KMT2C: variants seen among roughly 807,000 people sequenced by gnomAD.
KMT2C encodes the protein histone-lysine N-methyltransferase 2C.
Under a neutral mutation model 507.9 loss-of-function variants are expected in KMT2C, and 88 were observed. That is an observed-to-expected ratio of 0.17 (90% CI 0.15 to 0.21). The LOEUF (loss-of-function observed/expected upper bound fraction) is 0.21, where lower values mean the gene tolerates loss of function less well. Among genes scored for constraint, KMT2C ranks in the 10% least tolerant of loss-of-function variants. KMT2C has a pLI of 1.00. For synonymous variants in KMT2C, 2,049 were observed against 2,080.8 expected (o/e 0.98, Z 0.42); for missense variants, 4,954 against 5,957.8 (o/e 0.83, Z 5.55).
intron 38 of KMT2C, among the ~76,000 whole-genome samples, chr7:152,174,742 G>A (rs1168437059): frequency 2.6e-5 from 4 of 152,120 alleles, no homozygotes; most frequent in East Asian, 3.9e-4. Flanking sequence ...TATATAAAAT[G>A]GAATGTCAAT....
At chr7:152,174,634 CA>C (rs1380597873) in intron 38 of KMT2C, among the ~76,000 whole-genome samples, 5 of 152,006 alleles carry the variant, frequency 3.3e-5, no homozygotes, top group Admixed American at 2.0e-4. Flanking sequence ...AAAAATGCAC[CA>C]ATTTCTTAAG....
chr7:152,138,779 A>C lies in KMT2C; in HGVS notation c.14643+17T>G, dbSNP rs758648445. The C allele has an allele frequency of 3.5e-5, 51 of 1,475,736 alleles. No homozygotes were observed. In the South Asian group the frequency reaches 5.7e-4, roughly 16 times the overall value. 91.4% of individuals were successfully genotyped at this position (1,475,736 alleles called of 1,614,324 possible). A position where few individuals can be genotyped will look rare whatever the true frequency, so the allele number is the denominator to read the frequency against. On this transcript the variant is annotated intron_variant, in intron 58 of 58. Coordinates refer to ENST00000262189, the MANE Select transcript of KMT2C (RefSeq NM_170606.3). This position sits in a 1 kb window ranked among gnomAD's most constrained non-coding sequence, Gnocchi z 4.2. ...GGATCTGAACAACATGGCAGATGCA[A>C]TCTCTCACACTCTTACCTCTTCTCC...
chr7:152,254,911 T>C (rs1362082924), intron 9 of KMT2C, among the ~76,000 whole-genome samples: 1 of 150,920 alleles, frequency 6.6e-6, no homozygotes, highest in Admixed American at 6.6e-5. Context: ...AAATAACGAG[T>C]TAAAGGATGG....
chr7:152,323,723 G>C (rs2096794230), intron 3 of KMT2C, among the ~76,000 whole-genome samples: 1 of 142,570 alleles, frequency 7.0e-6, no homozygotes, highest in Admixed American at 7.2e-5. Context: ...AGGAGGGAGG[G>C]ACGAAGGGAG....
At chr7:152,425,510 T>C (rs1023284871) in intron 1 of KMT2C, among the ~76,000 whole-genome samples, 7 of 152,052 alleles carry the variant, frequency 4.6e-5, no homozygotes, top group African/African-American at 1.7e-4. Context: ...CAGGGAGGCA[T>C]AGGTTGCAGT....
chr7:152,195,407 T>G, intron 28 of KMT2C: 1 of 314,516 alleles, frequency 3.2e-6, no homozygotes, highest in Non-Finnish European at 4.6e-6. Flanking sequence ...TATGGATTAG[T>G]GACAAATTAG....
At chr7:152,424,183 A>G (rs1239318816) in intron 1 of KMT2C, among the ~76,000 whole-genome samples, 1 of 152,042 alleles carries the variant, frequency 6.6e-6, no homozygotes, top group Non-Finnish European at 1.5e-5. Context: ...GCAGGATCAT[A>G]GCTCACTGCA....
At chr7:152,204,943 T>C (rs1167429912) in intron 25 of KMT2C, among the ~76,000 whole-genome samples, 163 bp downstream of exon 25, 1 of 151,796 alleles carries the variant, frequency 6.6e-6, no homozygotes, top group African/African-American at 2.4e-5. Flanking sequence ...CGCACTCAAA[T>C]CCTTTCATCA....
chr7:152,357,867 C>T (rs2097165118), intron 2 of KMT2C, among the ~76,000 whole-genome samples: 1 of 152,166 alleles, frequency 6.6e-6, no homozygotes, highest in South Asian at 2.1e-4. Context: ...TTTTTCTCAT[C>T]TCTTAACTGC....
intron 6 of KMT2C, among the ~76,000 whole-genome samples, chr7:152,293,143 CAG>C (rs1476378841): frequency 6.6e-6 from 1 of 152,072 alleles, no homozygotes; most frequent in South Asian, 2.1e-4. Flanking sequence ...AAGAATAAAA[CAG>C]AGAACCTACC....
At chr7:152,228,260 A>C (rs2094995428) in intron 18 of KMT2C, among the ~76,000 whole-genome samples, 1 of 152,186 alleles carries the variant, frequency 6.6e-6, no homozygotes, top group African/African-American at 2.4e-5. Context: ...CAGTAATTTT[A>C]AAGAGTGTTA....
At chr7:152,212,638 A>G (rs2094480399) in intron 23 of KMT2C, among the ~76,000 whole-genome samples, 1 of 152,256 alleles carries the variant, frequency 6.6e-6, no homozygotes, top group Non-Finnish European at 1.5e-5. Flanking sequence ...AATGAAGAAA[A>G]CATTTCCATT....
intron 6 of KMT2C, among the ~76,000 whole-genome samples, chr7:152,308,005 T>C (rs899657260): frequency 2.0e-5 from 3 of 152,154 alleles, no homozygotes; most frequent in Admixed American, 1.3e-4. Context: ...AAACAGATGG[T>C]TTTCACTGAA....
chr7:152,250,537 G>A (rs900520086), intron 12 of KMT2C, among the ~76,000 whole-genome samples: 7 of 152,088 alleles, frequency 4.6e-5, no homozygotes, highest in African/African-American at 7.2e-5. Flanking sequence ...CATTATCTCA[G>A]CATGAAACAT....
At chr7:152,369,983 G>T (rs2097281022) in intron 1 of KMT2C, among the ~76,000 whole-genome samples, 1 of 152,156 alleles carries the variant, frequency 6.6e-6, no homozygotes, top group African/African-American at 2.4e-5. Flanking sequence ...CATGAGGTCA[G>T]GAGATCGAGA....
Position 152,154,359 on chromosome 7 carries a change from C to T in KMT2C, c.12047G>A (p.Ser4016Asn), listed in dbSNP as rs1427313579. The T allele has an allele frequency of 6.2e-7, 1 of 1,614,010 alleles. No homozygotes were observed. Among genetic ancestry groups the T allele is most frequent in the African/African-American group, 1.3e-5 (1 of 74,916 alleles). Reference protein sequence around the residue: ...SPESVVGVEVSRYPDLSLVKE... With the variant: ...SPESVVGVEVNRYPDLSLVKE... ...GACCAATGACAGATCTGGATACCTGCTCACTTCTACCCCAACCACACTCTC... is the reference window on the plus strand; with the variant it reads ...GACCAATGACAGATCTGGATACCTGTTCACTTCTACCCCAACCACACTCTC... The change falls in exon 47 of 59, where the codon AGC (serine) becomes AAC (asparagine). Residue 4016 changes from serine (S) to asparagine (N), a missense_variant. Around this residue, in one of 29 missense-constraint regions of KMT2C, gnomAD observed 6 missense variants for 23.3 expected, o/e 0.26. Transcript: ENST00000262189.
intron 1 of KMT2C, chr7:152,402,858 T>C: frequency 6.4e-6 from 1 of 155,312 alleles, no homozygotes; most frequent in Non-Finnish European, 1.4e-5. Flanking sequence ...CTATACTCTT[T>C]ACTCCCCTTT....
intron 2 of KMT2C, among the ~76,000 whole-genome samples, chr7:152,341,828 G>A (rs2096996093): frequency 6.6e-6 from 1 of 152,166 alleles, no homozygotes; most frequent in South Asian, 2.1e-4. Flanking sequence ...CTTTTTCTTT[G>A]TGCCAAATGT....
chr7:152,307,965 A>T (rs2129197912), intron 6 of KMT2C, among the ~76,000 whole-genome samples: 1 of 152,340 alleles, frequency 6.6e-6, no homozygotes, highest in East Asian at 1.9e-4. Flanking sequence ...ATAGCCCAAA[A>T]TAAAAATTAC....
Sources: gnomAD v4.1 joint callset for allele counts (sites outside exome capture counted in the v4.1 genomes callset) on GRCh38, gnomAD v4.1.1 for gene constraint, gnomAD v4.1.1 regional missense constraint, Gnocchi (gnomAD v3.1) non-coding constraint, MANE v1.5 for transcripts, NCBI Gene and HGNC (gene_info 2026-07-23, HGNC 2026-07-21) for gene names.